DENND2A: variants seen among roughly 807,000 people sequenced by gnomAD.
DENND2A encodes DENN domain containing 2A.
DENND2A carries 53 observed loss-of-function variants against 105.3 expected under a neutral mutation model. The ratio of observed to expected loss-of-function variants is 0.50; its 90% CI spans 0.40 to 0.63. DENND2A has a LOEUF of 0.63. Ranked by LOEUF, DENND2A falls within the 30% of genes least tolerant of loss-of-function variation. DENND2A has a pLI of 0.00. For missense variants in DENND2A, 1,138 were observed against 1,279.6 expected (o/e 0.89, Z 1.69); for synonymous variants, 522 against 508.4 (o/e 1.03, Z -0.36).
At chr7:140,526,594 G>A (rs932752296) in intron 15 of DENND2A, among the ~76,000 whole-genome samples, 1 of 152,218 alleles carries the variant, frequency 6.6e-6, no homozygotes, top group African/African-American at 2.4e-5. Flanking sequence ...ACCTGCAGGA[G>A]CACAGGGCAC....
At chr7:140,572,084 G>A (rs1325875560) in intron 6 of DENND2A, among the ~76,000 whole-genome samples, 1 of 151,996 alleles carries the variant, frequency 6.6e-6, no homozygotes, top group Non-Finnish European at 1.5e-5. Flanking sequence ...GCTCACTGCA[G>A]CCTCTAACTC....
chr7:140,554,431 G>A (rs1797277350), intron 12 of DENND2A, among the ~76,000 whole-genome samples: 1 of 152,010 alleles, frequency 6.6e-6, no homozygotes, highest in African/African-American at 2.4e-5. Context: ...CTTGAGGTCA[G>A]TTTGAGACCA....
intron 13 of DENND2A, 111 bp downstream of exon 13, chr7:140,546,688 A>G: frequency 7.3e-7 from 1 of 1,372,636 alleles, no homozygotes; most frequent in African/African-American, 1.4e-5. Flanking sequence ...GGGTGGGGAG[A>G]AGACACCAAG....
chr7:140,533,609 A>C (rs1024406007), intron 14 of DENND2A, among the ~76,000 whole-genome samples: 20 of 152,126 alleles, frequency 1.3e-4, no homozygotes, highest in Non-Finnish European at 2.4e-4. Context: ...GCCAAAGTTC[A>C]CTCAGTGAAC....
rs756734022 is a variant in DENND2A at position 140,601,970 on chromosome 7, C to G, written c.428G>C (p.Arg143Pro). Residue 143 changes from arginine to proline, a missense_variant, in exon 3 of 20, where the codon CGA (arginine) becomes CCA (proline). Arg to Pro is a moderately radical substitution (Grantham distance 103, BLOSUM62 -2). Coordinates refer to ENST00000496613, the MANE Select transcript of DENND2A (RefSeq NM_015689.5). ...GCGTAGCTTGCCAAGTCTTGGCTCTCGGCCTCGGCCCCAGCTAGGATCCAC... is the reference window on the plus strand; with the variant it reads ...GCGTAGCTTGCCAAGTCTTGGCTCTGGGCCTCGGCCCCAGCTAGGATCCAC... ...REVDPSWGRG[R>P]EPRLGKLRFQ... is the part of the protein sequence containing the mutation. 11 of 1,614,128 alleles carry G rather than the reference C, an allele frequency of 6.8e-6. No individual in the cohort carries two copies. The highest frequency in any genetic ancestry group is 5.9e-6 in the Non-Finnish European group (7 of 1,180,050).
At chr7:140,635,342 T>G (rs1206251304) in intron 1 of DENND2A, among the ~76,000 whole-genome samples, 1 of 152,230 alleles carries the variant, frequency 6.6e-6, no homozygotes, top group Admixed American at 6.5e-5. Flanking sequence ...ATATAAAGTT[T>G]ATAAGTAAAC....
chr7:140,628,664 C>T (rs939518841), intron 1 of DENND2A, among the ~76,000 whole-genome samples: 32 of 151,558 alleles, frequency 2.1e-4, no homozygotes, highest in Admixed American at 1.8e-3. Context: ...CTCAGCCTCC[C>T]TAGTAGCTGG....
At chr7:140,579,268 G>A (rs1324157138) in intron 5 of DENND2A, among the ~76,000 whole-genome samples, 3 of 151,768 alleles carry the variant, frequency 2.0e-5, no homozygotes, top group African/African-American at 7.3e-5. Flanking sequence ...ACTCCAGACT[G>A]GCGACAGAGC....
In DENND2A at chr7:140,559,622, T is replaced by A. The variant is rs1797533104; in HGVS notation, c.1889+86A>T. ...CATCAGGATTACTTAACGGTGGGAATGACTCATGTGGTCTGCCACCTGTAA... is the reference window on the plus strand; with the variant it reads ...CATCAGGATTACTTAACGGTGGGAAAGACTCATGTGGTCTGCCACCTGTAA... On this transcript the variant is annotated intron_variant, in intron 10 of 19. Coordinates refer to ENST00000496613, the MANE Select transcript of DENND2A (RefSeq NM_015689.5). This position sits in a 1 kb window ranked among gnomAD's most constrained non-coding sequence, Gnocchi z 4.1. The A allele has an allele frequency of 1.1e-6, 1 of 935,800 alleles. No homozygotes were observed. The highest frequency in any genetic ancestry group is 1.7e-6 in the Non-Finnish European group (1 of 589,260). The allele number at this position is 935,800 out of a possible 1,614,324, so 58.0% of individuals were successfully genotyped here.
At chr7:140,558,326 T>C in intron 10 of DENND2A, 114 bp from the exon 11 acceptor site, 5 of 737,126 alleles carry the variant, frequency 6.8e-6, no homozygotes, top group Non-Finnish European at 6.8e-6. Flanking sequence ...CAGGAGGCTG[T>C]AGGAAAGGCC....
At chr7:140,626,963 CGATCAA>C (rs1376949280) in intron 1 of DENND2A, among the ~76,000 whole-genome samples, 1 of 152,096 alleles carries the variant, frequency 6.6e-6, no homozygotes, top group East Asian at 1.9e-4. Context: ...TGCGGGACCT[CGATCAA>C]GATACATTTC....
chr7:140,587,472 T>C (rs541836614), intron 4 of DENND2A, among the ~76,000 whole-genome samples, 181 bp downstream of exon 4: 1 of 152,254 alleles, frequency 6.6e-6, no homozygotes, highest in African/African-American at 2.4e-5. Flanking sequence ...GTCTGTCATA[T>C]ATCCCACAAG....
chr7:140,612,119 T>C (rs900377372), intron 1 of DENND2A, among the ~76,000 whole-genome samples: 1 of 152,096 alleles, frequency 6.6e-6, no homozygotes, highest in Non-Finnish European at 1.5e-5. Flanking sequence ...CACATGCCTG[T>C]AATCCCAGCT....
In DENND2A at chr7:140,544,641, G is replaced by A; in HGVS notation, c.2304C>T (p.Val768=). 1.2e-6 allele frequency: 2 copies of A among 1,614,160 alleles called. No individual in the cohort carries two copies. Among genetic ancestry groups the A allele is most frequent in the East Asian group, 2.2e-5 (1 of 44,876 alleles). The change falls in exon 14 of 20, where the codon GTC becomes GTT. Residue 768 remains valine (V), a synonymous_variant. Transcript: ENST00000496613. The part of the protein sequence containing the change: ...VFASLLLERR[V]IFIADKLSIL... Reference sequence around the variant, plus strand: ...ACCTGAGCTTGTCTGCAATGAAGATGACCCTCCTCTCCAGAAGCAGGGAGG... The same window carrying A: ...ACCTGAGCTTGTCTGCAATGAAGATAACCCTCCTCTCCAGAAGCAGGGAGG...
intron 1 of DENND2A, among the ~76,000 whole-genome samples, chr7:140,620,138 T>G (rs1297631941): frequency 2.0e-5 from 3 of 151,624 alleles, no homozygotes; most frequent in East Asian, 1.9e-4. Context: ...GGAGGTTGCA[T>G]GGAGCCAAGA....
At chr7:140,586,955 C>A (rs1224228448) in intron 4 of DENND2A, among the ~76,000 whole-genome samples, 1 of 152,176 alleles carries the variant, frequency 6.6e-6, no homozygotes, top group Non-Finnish European at 1.5e-5. Flanking sequence ...GCACCGTAAG[C>A]AGTTGGAGCT....
chr7:140,639,228 T>G (rs185763315), intron 1 of DENND2A, among the ~76,000 whole-genome samples: 1 of 151,920 alleles, frequency 6.6e-6, no homozygotes, highest in African/African-American at 2.4e-5. Context: ...GGTGGGCGCC[T>G]GTAATCCCAG....
At chr7:140,629,563 G>T (rs1800660515) in intron 1 of DENND2A, among the ~76,000 whole-genome samples, 1 of 152,186 alleles carries the variant, frequency 6.6e-6, no homozygotes, top group Non-Finnish European at 1.5e-5. Context: ...AGGAGTGAAG[G>T]TTTGCTAACC....
At chr7:140,542,946 G>A (rs1014689005) in intron 14 of DENND2A, among the ~76,000 whole-genome samples, 1 of 151,994 alleles carries the variant, frequency 6.6e-6, no homozygotes, top group Non-Finnish European at 1.5e-5. Flanking sequence ...CCTGCAATGT[G>A]CTGACTACTT....
Sources: allele counts gnomAD v4.1 joint callset (sites outside exome capture counted in the v4.1 genomes callset), GRCh38; gene constraint gnomAD v4.1.1; non-coding constraint Gnocchi (gnomAD v3.1); transcripts MANE v1.5; gene names NCBI Gene and HGNC (gene_info 2026-07-23, HGNC 2026-07-21).